The following ARSF variants were observed in gnomAD, a reference collection of about 807,000 sequenced individuals.
ARSF encodes the protein arylsulfatase F.
A neutral mutation model predicts 35.4 loss-of-function variants in ARSF; 33 were observed. The ratio of observed to expected loss-of-function variants is 0.93; its 90% CI spans 0.71 to 1.25. The LOEUF (loss-of-function observed/expected upper bound fraction) is 1.25. ARSF is among the 50% of genes most tolerant of loss of function. The pLI is 0.00. For synonymous variants in ARSF, 222 were observed against 193.1 expected (o/e 1.15, Z -1.24); for missense variants, 501 against 480.2 (o/e 1.04, Z -0.40).
At chrX:3,079,348 T>A (rs1451763024) in intron 4 of ARSF, among the ~76,000 whole-genome samples, 5 of 103,905 alleles carry the variant, frequency 4.8e-5, no homozygotes, top group African/African-American at 1.4e-4. Flanking sequence ...TTCTATTTTT[T>A]TTTTTTTTTT....
rs529873901 is a variant in ARSF at position 3,063,167 on chromosome X, C to T, written c.-28-4906C>T. 5.4e-5 allele frequency among the ~76,000 whole-genome samples: 6 copies of T among 111,708 alleles called. No homozygotes were observed. In the South Asian group the frequency reaches 2.3e-3, roughly 42 times the overall value. ...GGTTCAACATATGCAAATCAGTAAACATAATCCATCACATAAACAGAACCA... is the reference window on the plus strand; with the variant it reads ...GGTTCAACATATGCAAATCAGTAAATATAATCCATCACATAAACAGAACCA... On this transcript the variant is annotated intron_variant, in intron 1 of 10. Coordinates refer to ENST00000381127, the MANE Select transcript of ARSF (RefSeq NM_001201539.2).
chrX:3,098,108 T>C (rs1296083590), intron 7 of ARSF, among the ~76,000 whole-genome samples: 1 of 104,313 alleles, frequency 9.6e-6, no homozygotes, highest in Non-Finnish European at 2.0e-5. Flanking sequence ...TTTCCAGCCA[T>C]TAAATTGTAC....
intron 7 of ARSF, among the ~76,000 whole-genome samples, chrX:3,092,672 C>T (rs1447002000): frequency 8.9e-6 from 1 of 112,448 alleles, no homozygotes; most frequent in Non-Finnish European, 1.9e-5. Context: ...GTTTTGTCCA[C>T]ACAGCCAGAA....
chrX:3,067,909 G>T (rs1326219178), intron 1 of ARSF, among the ~76,000 whole-genome samples, 164 bp from the exon 2 acceptor site: 9 of 110,309 alleles, frequency 8.2e-5, no homozygotes, highest in African/African-American at 3.0e-4. Flanking sequence ...CAGGATTTGT[G>T]CAGTAGTGGC....
chrX:3,073,601 A>C (rs1249510320), intron 3 of ARSF, among the ~76,000 whole-genome samples: 1 of 99,210 alleles, frequency 1.0e-5, no homozygotes, highest in African/African-American at 3.6e-5. Context: ...TAATATAAAT[A>C]AATATAATAT....
At chrX:3,083,108 C>A (rs2090214806) in intron 5 of ARSF, among the ~76,000 whole-genome samples, 1 of 109,413 alleles carries the variant, frequency 9.1e-6, no homozygotes, top group African/African-American at 3.4e-5. Context: ...TATCTATCCA[C>A]CCATAGATCT....
intron 3 of ARSF, among the ~76,000 whole-genome samples, chrX:3,075,134 A>T (rs894984876): frequency 8.9e-6 from 1 of 111,791 alleles, no homozygotes; most frequent in Non-Finnish European, 1.9e-5. Flanking sequence ...GTTAGGCATA[A>T]GTAAGGTCTG....
chrX:3,068,728 G>A (rs999960327), intron 2 of ARSF, among the ~76,000 whole-genome samples: 6 of 111,507 alleles, frequency 5.4e-5, no homozygotes, highest in African/African-American at 2.0e-4. Flanking sequence ...GTGCCCAGCC[G>A]TATACATGAT....
chrX:3,062,498 A>C (rs1266059503), intron 1 of ARSF, among the ~76,000 whole-genome samples: 1 of 111,769 alleles, frequency 8.9e-6, no homozygotes, highest in South Asian at 3.7e-4. Flanking sequence ...CCTTCAAAAA[A>C]ATCAATGAAT....
intron 7 of ARSF, among the ~76,000 whole-genome samples, chrX:3,095,772 G>A (rs56051322): frequency 0.15 from 16,035 of 109,097 alleles, 922 homozygotes; most frequent in Middle Eastern, 0.18. Context: ...GTTGACTGAC[G>A]CTTTGAATAT....
intron 1 of ARSF, among the ~76,000 whole-genome samples, chrX:3,048,126 G>A (rs1201583382): frequency 8.9e-6 from 1 of 111,842 alleles, no homozygotes; most frequent in Non-Finnish European, 1.9e-5. Context: ...TGGGAATTAT[G>A]GGAGATACAA....
chrX:3,044,071 G>A (rs1052465232), intron 1 of ARSF, among the ~76,000 whole-genome samples: 1 of 111,538 alleles, frequency 9.0e-6, no homozygotes, highest in African/African-American at 3.3e-5. Context: ...ACAGGCGTGT[G>A]GCACCATGCC....
chrX:3,049,346 G>C (rs746233864), intron 1 of ARSF, among the ~76,000 whole-genome samples: 1 of 108,969 alleles, frequency 9.2e-6, no homozygotes, highest in East Asian at 2.9e-4. Context: ...GTTGGGGGGT[G>C]GGGGTGGTGG....
chrX:3,062,185 C>T (rs1204757857), intron 1 of ARSF, among the ~76,000 whole-genome samples: 1 of 112,217 alleles, frequency 8.9e-6, no homozygotes, highest in Non-Finnish European at 1.9e-5. Flanking sequence ...AACTGAACAA[C>T]CTGCTCCTGA....
chrX:3,109,827 A>G (rs778231445), intron 9 of ARSF, among the ~76,000 whole-genome samples: 37 of 112,714 alleles, frequency 3.3e-4, no homozygotes, highest in Non-Finnish European at 5.4e-4. Context: ...TGAAATTGCC[A>G]TAAATTGCTG....
At chrX:3,108,978 T>A (rs930609432) in intron 9 of ARSF, among the ~76,000 whole-genome samples, 2 of 110,938 alleles carry the variant, frequency 1.8e-5, no homozygotes, top group Non-Finnish European at 3.8e-5. Flanking sequence ...ATCGTGCCGT[T>A]GCACTCCAGC....
In ARSF at chrX:3,110,132, A is replaced by G; in HGVS notation, c.1270A>G (p.Ile424Val). 3.4e-6 allele frequency: 4 copies of G among 1,184,213 alleles called. No individual in the cohort carries two copies. Among genetic ancestry groups the G allele is most frequent in the Non-Finnish European group, 3.4e-6 (3 of 881,178 alleles). ...SGGSLPQDRV[I>V]DGRDLMPLLQ... The stretch of plus-strand genomic sequence containing the variant: ...GCACTGTCTGTGTCTCTGCAGGGTC[A>G]TTGACGGCCGAGACCTCATGCCCTT... Residue 424 changes from isoleucine (I) to valine (V), a missense_variant, in exon 10 of 11, where the codon ATT (isoleucine) becomes GTT (valine). Transcript: ENST00000381127.
intron 7 of ARSF, among the ~76,000 whole-genome samples, chrX:3,095,893 G>A (rs1039875948): frequency 5.5e-5 from 6 of 108,475 alleles, no homozygotes; most frequent in Non-Finnish European, 9.5e-5. Flanking sequence ...TGTATATGTA[G>A]TTAACTATAT....
intron 1 of ARSF, among the ~76,000 whole-genome samples, chrX:3,054,664 C>T (rs190209707): frequency 2.7e-5 from 3 of 109,960 alleles, no homozygotes; most frequent in African/African-American, 9.9e-5. Context: ...GAATTCAAAT[C>T]GCTAAGCATT....
Sources: gnomAD v4.1 joint callset for allele counts (sites outside exome capture counted in the v4.1 genomes callset) on GRCh38, gnomAD v4.1.1 for gene constraint, MANE v1.5 for transcripts, NCBI Gene and HGNC (gene_info 2026-07-23, HGNC 2026-07-21) for gene names.